Variants in SPPL2A observed in about 807,000 individuals in gnomAD.
The protein encoded by SPPL2A is signal peptide peptidase like 2A.
A neutral mutation model predicts 63.8 loss-of-function variants in SPPL2A; 51 were observed. The ratio of observed to expected loss-of-function variants is 0.80; its 90% CI spans 0.64 to 1.01. The LOEUF (loss-of-function observed/expected upper bound fraction) is 1.01. Ranked by LOEUF, SPPL2A falls within the 50% of genes least tolerant of loss-of-function variation. SPPL2A has a pLI of 0.00. For synonymous variants in SPPL2A, 188 were observed against 205.8 expected (o/e 0.91, Z 0.74); for missense variants, 553 against 622.7 (o/e 0.89, Z 1.19).
intron 8 of SPPL2A, among the ~76,000 whole-genome samples, chr15:50,735,387 CTCTT>C (rs751395087): frequency 4.6e-5 from 7 of 151,988 alleles, no homozygotes; most frequent in African/African-American, 1.2e-4. Context: ...CACTCTCTCT[CTCTT>C]TCTCTCTCTC....
At chr15:50,717,269 G>A (rs1390830572) in intron 14 of SPPL2A, among the ~76,000 whole-genome samples, 17 of 152,092 alleles carry the variant, frequency 1.1e-4, no homozygotes, top group Non-Finnish European at 4.4e-5. Flanking sequence ...CTATCTTCCG[G>A]ACTCAAGCAA....
At position 50,765,674 on chromosome 15, in the gene SPPL2A, C is replaced by A. The variant is rs985080192; in HGVS notation, c.-141G>T. 7 of 446,668 alleles carry A rather than the reference C, an allele frequency of 1.6e-5. No homozygotes were observed. Among genetic ancestry groups the A allele is most frequent in the Non-Finnish European group, 2.6e-5 (7 of 267,842 alleles). The allele number at this position is 446,668 out of a possible 1,614,324, so 27.7% of individuals were successfully genotyped here. ...GGCGGCCGGGCTACGACTGGACCGC[C>A]GCTGCTACAGCGGCCGCCACAGCAG... On this transcript the variant is annotated 5_prime_UTR_variant, in exon 1 of 15. Transcript: ENST00000261854.
intron 1 of SPPL2A, among the ~76,000 whole-genome samples, chr15:50,751,085 G>A (rs1018468310): frequency 6.6e-6 from 1 of 152,096 alleles, no homozygotes; most frequent in Non-Finnish European, 1.5e-5. Context: ...GCCATACTTG[G>A]GGCTGCACAG....
At chr15:50,764,081 G>A (rs2063037138) in intron 1 of SPPL2A, among the ~76,000 whole-genome samples, 1 of 152,178 alleles carries the variant, frequency 6.6e-6, no homozygotes, top group Admixed American at 6.5e-5. Context: ...TTCAATGTGA[G>A]TTTATGAGGA....
At chr15:50,740,401 T>C (rs1255969811) in intron 5 of SPPL2A, among the ~76,000 whole-genome samples, 1 of 115,358 alleles carries the variant, frequency 8.7e-6, no homozygotes, top group Non-Finnish European at 1.6e-5. Context: ...CACTCCAGCC[T>C]GGGCAACAAG....
At position 50,760,548 on chromosome 15, in the gene SPPL2A, C is replaced by G. The variant is rs180969802; in HGVS notation, c.66+4920G>C. ...TGCTGGGATTACAAGTATGAGCCAC[C>G]ACACCTGGCCTGATGTCTTTTCTTA... On this transcript the variant is annotated intron_variant, in intron 1 of 14. Transcript: ENST00000261854. Among the ~76,000 whole-genome samples, 4 of 152,230 alleles carry G rather than the reference C, an allele frequency of 2.6e-5. No individual in the cohort carries two copies. The East Asian group carries it at 7.7e-4, about 29-fold the overall frequency.
At chr15:50,728,190 A>G (rs1192783151) in intron 10 of SPPL2A, among the ~76,000 whole-genome samples, 2 of 152,192 alleles carry the variant, frequency 1.3e-5, no homozygotes, top group African/African-American at 4.8e-5. Context: ...TATATGTGTC[A>G]TATGTTATGG....
intron 14 of SPPL2A, among the ~76,000 whole-genome samples, chr15:50,712,834 T>C (rs2062570410): frequency 6.6e-6 from 1 of 151,856 alleles, no homozygotes; most frequent in Admixed American, 6.6e-5. Context: ...TACAGGCGCC[T>C]GCCACCACAC....
Position 50,703,741 on chromosome 15 carries a change from T to C in SPPL2A, c.*4059A>G, listed in dbSNP as rs1016591032. On this transcript the variant is annotated 3_prime_UTR_variant, in exon 15 of 15. Coordinates refer to ENST00000261854, the MANE Select transcript of SPPL2A (RefSeq NM_032802.4). ...ATGCTTGAGGGAATGGATACCCCATTCTCCATGATCCGCTTATTTCACATT... is the reference window on the plus strand; with the variant it reads ...ATGCTTGAGGGAATGGATACCCCATCCTCCATGATCCGCTTATTTCACATT... 1 of 152,086 alleles carries C rather than the reference T, an allele frequency of 6.6e-6. No homozygotes were observed. Among genetic ancestry groups the C allele is most frequent in the Non-Finnish European group, 1.5e-5 (1 of 68,026 alleles). 9.4% of individuals were successfully genotyped at this position (152,086 alleles called of 1,614,324 possible). A position where few individuals can be genotyped will look rare whatever the true frequency, so the allele number is the denominator to read the frequency against.
Position 50,706,406 on chromosome 15 carries a change from A to AAG in SPPL2A, c.*1393_*1394insCT, listed in dbSNP as rs1555439963. ...CTCCGTCTCAAAAAAAAAAAAAAAA[A>AAG]AAAAAAGAAAACTGAGATACAAGGT... On this transcript the variant is annotated 3_prime_UTR_variant, in exon 15 of 15. Transcript: ENST00000261854. 85 of 150,420 alleles carry AAG rather than the reference A, an allele frequency of 5.7e-4. 1 individual carries two copies. Among genetic ancestry groups the AAG allele is most frequent in the African/African-American group, 1.9e-3 (79 of 40,684 alleles). The allele number at this position is 150,420 out of a possible 1,614,324, so 9.3% of individuals were successfully genotyped here. A position where few individuals can be genotyped will look rare whatever the true frequency, so the allele number is the denominator to read the frequency against.
intron 5 of SPPL2A, among the ~76,000 whole-genome samples, chr15:50,745,299 C>T (rs772756278): frequency 2.6e-5 from 4 of 151,936 alleles, no homozygotes; most frequent in South Asian, 2.1e-4. Flanking sequence ...TACAGGCGCA[C>T]GCCACCACAC....
intron 1 of SPPL2A, among the ~76,000 whole-genome samples, chr15:50,756,822 G>A (rs1208353142): frequency 6.6e-6 from 1 of 152,024 alleles, no homozygotes; most frequent in Non-Finnish European, 1.5e-5. Context: ...AAAAGGATGA[G>A]GTCAGTCTCA....
chr15:50,711,145 C>T (rs2062553282), intron 14 of SPPL2A, among the ~76,000 whole-genome samples: 1 of 151,030 alleles, frequency 6.6e-6, no homozygotes, highest in African/African-American at 2.4e-5. Flanking sequence ...ATAGGAAATA[C>T]AGTGTAACTA....
At chr15:50,735,569 A>T (rs964151885) in intron 8 of SPPL2A, among the ~76,000 whole-genome samples, 4 of 147,878 alleles carry the variant, frequency 2.7e-5, no homozygotes, top group Non-Finnish European at 4.5e-5. Flanking sequence ...ACACACACAT[A>T]TTTTTTTGAG....
Position 50,717,180 on chromosome 15 carries a change from T to C in SPPL2A, c.1488+2760A>G, listed in dbSNP as rs2062604958. The stretch of plus-strand genomic sequence containing the variant: ...TTCTATCACTTCTTTTTTGTTTGTG[T>C]TTTTGTTTTGAGACAGGGTCTCACT... On this transcript the variant is annotated intron_variant, in intron 14 of 14. Coordinates refer to ENST00000261854, the MANE Select transcript of SPPL2A (RefSeq NM_032802.4). 1.3e-5 allele frequency among the ~76,000 whole-genome samples: 2 copies of C among 152,090 alleles called. 1 individual carries two copies. The highest frequency in any genetic ancestry group is 4.1e-4 in the South Asian group (2 of 4,832).
At chr15:50,724,874 CTA>C (rs942117517) in intron 12 of SPPL2A, among the ~76,000 whole-genome samples, 25 of 152,248 alleles carry the variant, frequency 1.6e-4, no homozygotes, top group Admixed American at 1.6e-3. Context: ...TAAAACATAA[CTA>C]TTATCTTAAA....
intron 8 of SPPL2A, among the ~76,000 whole-genome samples, chr15:50,734,530 A>G (rs1210388206): frequency 6.6e-6 from 1 of 152,200 alleles, no homozygotes; most frequent in Admixed American, 6.6e-5. Flanking sequence ...AAAAAAAGGT[A>G]GAGAGTGGGG....
intron 1 of SPPL2A, among the ~76,000 whole-genome samples, chr15:50,755,116 G>A (rs1304680023): frequency 1.3e-5 from 2 of 151,412 alleles, no homozygotes; most frequent in Non-Finnish European, 2.9e-5. Flanking sequence ...TCAGGAGATC[G>A]AAACCATCCT....
At chr15:50,709,964 A>G (rs1461713243) in intron 14 of SPPL2A, among the ~76,000 whole-genome samples, 2 of 152,170 alleles carry the variant, frequency 1.3e-5, no homozygotes, top group African/African-American at 4.8e-5. Context: ...AAGACAGATA[A>G]CATTAAGCAG....
Sources: allele counts gnomAD v4.1 joint callset (sites outside exome capture counted in the v4.1 genomes callset), GRCh38; gene constraint gnomAD v4.1.1; transcripts MANE v1.5; gene names NCBI Gene and HGNC (gene_info 2026-07-23, HGNC 2026-07-21).